OPHN1: variants seen among roughly 807,000 people sequenced by gnomAD.
The protein encoded by OPHN1 is oligophrenin-1.
Under a neutral mutation model 60.7 loss-of-function variants are expected in OPHN1, and 11 were observed. That is an observed-to-expected ratio of 0.18 (90% CI 0.11 to 0.30). The LOEUF (loss-of-function observed/expected upper bound fraction) is 0.30. Ranked by LOEUF, OPHN1 falls within the 10% of genes least tolerant of loss-of-function variation. OPHN1 has a pLI of 1.00. For missense variants in OPHN1, 449 were observed against 611.0 expected, an observed-to-expected ratio of 0.73 and a Z score of 2.80; for synonymous variants, 226 against 222.6, an observed-to-expected ratio of 1.02 and a Z score of -0.14.
intron 15 of OPHN1, among the ~76,000 whole-genome samples, chrX:68,138,234 A>C (rs948587263): frequency 8.9e-6 from 1 of 112,209 alleles, no homozygotes; most frequent in African/African-American, 3.2e-5. Context: ...CACATCACTC[A>C]GTTGGAAGAG....
chrX:68,254,439 CA>C (rs1221183288), intron 5 of OPHN1, among the ~76,000 whole-genome samples: 1 of 111,092 alleles, frequency 9.0e-6, no homozygotes, highest in East Asian at 2.8e-4. Context: ...TCTCTATTCT[CA>C]AAAGGCCATT....
At chrX:68,344,851 A>AG (rs2078371691) in intron 2 of OPHN1, among the ~76,000 whole-genome samples, 1 of 112,479 alleles carries the variant, frequency 8.9e-6, no homozygotes, top group South Asian at 3.7e-4. Flanking sequence ...ATATAGTTTT[A>AG]AAATTACTGC....
chrX:68,114,206 G>C (rs2077117856), intron 16 of OPHN1, among the ~76,000 whole-genome samples: 1 of 110,843 alleles, frequency 9.0e-6, no homozygotes, highest in Admixed American at 9.6e-5. Flanking sequence ...ATAATTATAA[G>C]AATAGCAAAC....
At chrX:68,081,771 A>G (rs2076975405) in intron 19 of OPHN1, among the ~76,000 whole-genome samples, 1 of 111,434 alleles carries the variant, frequency 9.0e-6, no homozygotes, top group Admixed American at 9.5e-5. Context: ...TGCTTACTGA[A>G]GGCTGGAGTG....
intron 5 of OPHN1, among the ~76,000 whole-genome samples, chrX:68,241,281 T>C (rs2077778986): frequency 8.9e-6 from 1 of 112,264 alleles, no homozygotes; most frequent in Admixed American, 9.5e-5. Flanking sequence ...ATTATCAGTT[T>C]CAGAAAGGCA....
chrX:68,422,882 G>T (rs1032049862), intron 2 of OPHN1, among the ~76,000 whole-genome samples: 5 of 111,531 alleles, frequency 4.5e-5, no homozygotes, highest in Non-Finnish European at 9.4e-5. Context: ...GAAAAGAAAA[G>T]GCCTTGGAAA....
intron 20 of OPHN1, chrX:68,070,618 C>G (rs1405976973): frequency 1.4e-6 from 1 of 707,036 alleles, no homozygotes; most frequent in African/African-American, 2.1e-5. Flanking sequence ...ATTTTATCCT[C>G]TGTGTTCCAT....
chrX:68,422,464 A>G (rs932109889), intron 2 of OPHN1, among the ~76,000 whole-genome samples: 2 of 104,938 alleles, frequency 1.9e-5, no homozygotes, highest in Non-Finnish European at 3.9e-5. Flanking sequence ...CAAGGTTGCA[A>G]TGAGGAAAGA....
chrX:68,184,709 G>A (rs778724343), intron 15 of OPHN1, among the ~76,000 whole-genome samples: 35 of 109,739 alleles, frequency 3.2e-4, no homozygotes, highest in Non-Finnish European at 5.7e-4. Context: ...CGATTCTCCT[G>A]CCTCAGCCTC....
intron 5 of OPHN1, among the ~76,000 whole-genome samples, chrX:68,239,871 G>A (rs1375048410): frequency 3.8e-5 from 4 of 106,164 alleles, no homozygotes; most frequent in Admixed American, 1.0e-4. Flanking sequence ...GTGCAGTGGC[G>A]CAATCTCGGC....
At chrX:68,052,450 A>G (rs2076856029) in intron 23 of OPHN1, 90 bp downstream of exon 23, 19 of 848,248 alleles carry the variant, frequency 2.2e-5, no homozygotes, top group Non-Finnish European at 1.7e-6. Context: ...AAACAAAAAG[A>G]GAAAGATGTT....
rs1311566874 is a variant in OPHN1 at position 68,258,393 on chromosome X, TC to T, written c.384+16344del. Among the ~76,000 whole-genome samples, 16 of 18,045 alleles carry T rather than the reference TC, an allele frequency of 8.9e-4. 1 individual carries two copies. The highest frequency in any genetic ancestry group is 6.1e-3 in the African/African-American group (13 of 2,119). 15.7% of individuals were successfully genotyped at this position (18,045 alleles called of 115,157 possible). A position where few individuals can be genotyped will look rare whatever the true frequency, so the allele number is the denominator to read the frequency against. ...TAGGTATATCTCCTAATGCTACCCC[TC>T]CCCCCTCCCCCCTCCTCCAACCCCC... On this transcript the variant is annotated intron_variant, in intron 5 of 24. Coordinates refer to ENST00000355520, the MANE Select transcript of OPHN1 (RefSeq NM_002547.3).
At chrX:68,368,926 T>A (rs1341283536) in intron 2 of OPHN1, among the ~76,000 whole-genome samples, 1 of 111,297 alleles carries the variant, frequency 9.0e-6, no homozygotes, top group Admixed American at 9.6e-5. Flanking sequence ...TAAGAAAAAA[T>A]TGCTGGGCAC....
chrX:68,374,835 G>A (rs760973535), intron 2 of OPHN1, among the ~76,000 whole-genome samples: 7 of 112,109 alleles, frequency 6.2e-5, no homozygotes, highest in Non-Finnish European at 1.1e-4. Context: ...TTTGACCAAA[G>A]ATACATGGAT....
intron 6 of OPHN1, among the ~76,000 whole-genome samples, chrX:68,227,244 C>T (rs988266015): frequency 8.1e-5 from 9 of 111,493 alleles, no homozygotes; most frequent in African/African-American, 2.9e-4. Flanking sequence ...CAGGAGCACA[C>T]AGATTCATAA....
chrX:68,410,113 T>G (rs1446647475), intron 2 of OPHN1, among the ~76,000 whole-genome samples: 1 of 111,851 alleles, frequency 8.9e-6, no homozygotes, highest in African/African-American at 3.2e-5. Context: ...TTAAAATTAT[T>G]TATCAAGTTA....
chrX:68,291,929 T>A (rs1196506114), intron 3 of OPHN1, among the ~76,000 whole-genome samples: 2 of 111,595 alleles, frequency 1.8e-5, no homozygotes, highest in East Asian at 5.6e-4. Context: ...TCGTCTGAGT[T>A]GCACAGGAAG....
At chrX:68,249,479 C>A (rs1222990355) in intron 5 of OPHN1, among the ~76,000 whole-genome samples, 1 of 111,645 alleles carries the variant, frequency 9.0e-6, no homozygotes, top group East Asian at 2.8e-4. Context: ...GTCCAGGCAG[C>A]CAGAGCCAAT....
At chrX:68,408,546 A>G (rs2078754830) in intron 2 of OPHN1, among the ~76,000 whole-genome samples, 1 of 112,590 alleles carries the variant, frequency 8.9e-6, no homozygotes, top group Non-Finnish European at 1.9e-5. Flanking sequence ...CTAGACTCCC[A>G]GCTTTATTCT....
Sources: allele counts gnomAD v4.1 joint callset (sites outside exome capture counted in the v4.1 genomes callset), GRCh38; gene constraint gnomAD v4.1.1; transcripts MANE v1.5; gene names NCBI Gene and HGNC (gene_info 2026-07-23, HGNC 2026-07-21).